Variants in WNK3 observed in about 807,000 individuals in gnomAD.
The protein encoded by WNK3 is WNK lysine deficient protein kinase 3.
A neutral mutation model predicts 116.7 loss-of-function variants in WNK3; 18 were observed. The observed-to-expected ratio is 0.15, with a 90% confidence interval of 0.11 to 0.23. The LOEUF is 0.23. WNK3 is among the 10% of genes least tolerant of loss of function. The pLI, the probability that WNK3 is intolerant of heterozygous loss-of-function variation, is 1.00. For synonymous variants in WNK3, 404 were observed against 469.4 expected (o/e 0.86, Z 1.80); for missense variants, 993 against 1,323.8 (o/e 0.75, Z 3.88).
chrX:54,309,340 G>T, intron 3 of WNK3, 25 bp from the exon 4 acceptor site: 1 of 1,112,247 alleles, frequency 9.0e-7, no homozygotes, highest in Non-Finnish European at 1.2e-6. Context: ...AAAAGACCAT[G>T]TGTAAACAAA....
intron 22 of WNK3, among the ~76,000 whole-genome samples, chrX:54,215,744 G>T (rs985288735): frequency 9.0e-6 from 1 of 110,534 alleles, no homozygotes; most frequent in Non-Finnish European, 1.9e-5. Context: ...GGGAAGTGAG[G>T]AGCCCCTCTG....
chrX:54,204,544 T>C (rs976474109), intron 22 of WNK3, among the ~76,000 whole-genome samples: 3 of 112,563 alleles, frequency 2.7e-5, no homozygotes, highest in Middle Eastern at 4.6e-3. Flanking sequence ...TATATCAAAA[T>C]GACATACTAA....
At chrX:54,305,492 T>C (rs782048256) in intron 5 of WNK3, among the ~76,000 whole-genome samples, 35 of 111,773 alleles carry the variant, frequency 3.1e-4, no homozygotes, top group African/African-American at 1.1e-3. Flanking sequence ...GTCTCTTGTA[T>C]TCTATAAAAG....
At chrX:54,297,292 G>A (rs1821275812) in intron 7 of WNK3, among the ~76,000 whole-genome samples, 1 of 111,182 alleles carries the variant, frequency 9.0e-6, no homozygotes, top group African/African-American at 3.3e-5. Flanking sequence ...GTCTGGGTAG[G>A]GGCCGGGCAC....
rs2068786694 is a variant in WNK3 at position 54,303,107 on chromosome X, A to G, written c.1090-1248T>C. On this transcript the variant is annotated intron_variant, in intron 5 of 23. Coordinates refer to ENST00000354646, the Ensembl canonical transcript of WNK3. ...TATTTCAGTCTTCTAGAATGGCTAG[A>G]AGCCATCGGTAGACGGCAATCAGTA... Among the ~76,000 whole-genome samples, 6 of 106,977 alleles carry G rather than the reference A, an allele frequency of 5.6e-5. No individual in the cohort carries two copies. The Admixed American group carries it at 6.3e-4, about 11-fold the overall frequency. 92.9% of individuals were successfully genotyped at this position (106,977 alleles called of 115,157 possible). A position where few individuals can be genotyped will look rare whatever the true frequency, so the allele number is the denominator to read the frequency against.
At chrX:54,339,049 C>T (rs1469365445) in intron 1 of WNK3, among the ~76,000 whole-genome samples, 2 of 107,849 alleles carry the variant, frequency 1.9e-5, no homozygotes, top group East Asian at 2.9e-4. Flanking sequence ...AGAAAGAAAT[C>T]TTCCCTCAGT....
upstream of WNK3, among the ~76,000 whole-genome samples, chrX:54,358,284 C>G (rs1332881975): frequency 9.9e-5 from 11 of 111,077 alleles, no homozygotes; most frequent in African/African-American, 3.3e-4. Context: ...TTAGAGGAAG[C>G]ACGCGCGACA....
At chrX:54,221,520 T>C (rs782473519) in intron 22 of WNK3, among the ~76,000 whole-genome samples, 19 of 111,686 alleles carry the variant, frequency 1.7e-4, no homozygotes, top group Admixed American at 2.9e-4. Flanking sequence ...TTGTGTACCA[T>C]TGAAGTTAAT....
At chrX:54,307,442 A>AT (rs1225603320) in intron 5 of WNK3, among the ~76,000 whole-genome samples, 5 of 110,572 alleles carry the variant, frequency 4.5e-5, no homozygotes, top group African/African-American at 1.6e-4. Context: ...TTATTCCCTT[A>AT]TTAGAAATGT....
At chrX:54,325,138 C>T (rs2069083302) in intron 2 of WNK3, among the ~76,000 whole-genome samples, 1 of 111,270 alleles carries the variant, frequency 9.0e-6, no homozygotes, top group Non-Finnish European at 1.9e-5. Context: ...ACGTGTCAAC[C>T]TGCTATACTC....
intron 17 of WNK3, 119 bp from the exon 18 acceptor site, chrX:54,239,218 ACGG>A: frequency 2.0e-6 from 1 of 510,908 alleles, no homozygotes; most frequent in Non-Finnish European, 2.9e-6. Flanking sequence ...AAAAAAAAAA[ACGG>A]AATTTCTTGT....
At chrX:54,283,526 T>C (rs1199328346) in intron 10 of WNK3, among the ~76,000 whole-genome samples, 1 of 110,866 alleles carries the variant, frequency 9.0e-6, no homozygotes, top group Admixed American at 9.7e-5. Flanking sequence ...TCCCAGCACT[T>C]TGGGAGGCCG....
At chrX:54,358,471 C>T (rs1045400123), upstream of WNK3, 1 of 111,733 alleles carries the variant, frequency 8.9e-6, no homozygotes, top group South Asian at 3.8e-4. Context: ...AGGTGGTACC[C>T]GCCGGCACCT....
intron 22 of WNK3, among the ~76,000 whole-genome samples, chrX:54,220,783 A>G (rs782667596): frequency 5.4e-5 from 6 of 111,236 alleles, no homozygotes; most frequent in African/African-American, 2.0e-4. Context: ...GGAAGCATCA[A>G]TAAAGAGAAG....
chrX:54,229,563 G>GA lies in WNK3; in HGVS notation c.4841-821dup, dbSNP rs781899049. ...GAAGTAGAGTAGCTAAAACAGTTTT[G>GA]AAAAAAAACAAAGTTTCAGGAAACA... On this transcript the variant is annotated intron_variant, in intron 21 of 23. Coordinates refer to ENST00000354646, the Ensembl canonical transcript of WNK3. Among the ~76,000 whole-genome samples, 14 of 107,995 alleles carry GA rather than the reference G, an allele frequency of 1.3e-4. No homozygotes were observed. In the South Asian group the frequency reaches 4.0e-3, roughly 31 times the overall value. 93.8% of individuals were successfully genotyped at this position (107,995 alleles called of 115,157 possible). A position where few individuals can be genotyped will look rare whatever the true frequency, so the allele number is the denominator to read the frequency against.
At chrX:54,348,603 G>A (rs1342082052) in intron 1 of WNK3, among the ~76,000 whole-genome samples, 1 of 112,109 alleles carries the variant, frequency 8.9e-6, no homozygotes, top group Non-Finnish European at 1.9e-5. Context: ...CATGGGCAAT[G>A]TACCAATTTA....
chrX:54,253,186 TAA>T (rs782594620), intron 13 of WNK3, among the ~76,000 whole-genome samples: 3 of 97,485 alleles, frequency 3.1e-5, no homozygotes, highest in Admixed American at 1.1e-4. Flanking sequence ...CCACAAAAAT[TAA>T]AAAAAAAAAA....
intron 1 of WNK3, among the ~76,000 whole-genome samples, chrX:54,352,859 T>C (rs2069536246): frequency 9.0e-6 from 1 of 111,360 alleles, no homozygotes; most frequent in African/African-American, 3.3e-5. Context: ...ATAAACAAAA[T>C]ACGGTATATC....
chrX:54,291,204 T>C (rs782000041), intron 10 of WNK3, among the ~76,000 whole-genome samples: 1 of 110,389 alleles, frequency 9.1e-6, no homozygotes, highest in East Asian at 2.9e-4. Flanking sequence ...TCCCACCTAC[T>C]CGGGAGGCTG....
Sources: allele counts gnomAD v4.1 joint callset (sites outside exome capture counted in the v4.1 genomes callset), GRCh38; gene constraint gnomAD v4.1.1; transcripts MANE v1.5; gene names NCBI Gene and HGNC (gene_info 2026-07-23, HGNC 2026-07-21).